Variants in TENM3 observed in about 807,000 individuals in gnomAD.
TENM3 encodes teneurin-3.
Under a neutral mutation model 255.1 loss-of-function variants are expected in TENM3, and 63 were observed. The observed-to-expected ratio is 0.25, with a 90% CI of 0.20 to 0.30. The LOEUF (loss-of-function observed/expected upper bound fraction) is 0.30, where lower values mean the gene tolerates loss of function less well. Among genes scored for constraint, TENM3 ranks in the 10% least tolerant of loss-of-function variants. The pLI is 1.00. For missense variants in TENM3, 2,929 were observed against 3,461.1 expected (o/e 0.85, Z 3.86); for synonymous variants, 1,306 against 1,322.3 (o/e 0.99, Z 0.27).
the TENM3 span, among the ~76,000 whole-genome samples, chr4:181,521,118 A>G: frequency 6.6e-6 from 1 of 152,208 alleles, no homozygotes; most frequent in Admixed American, 6.5e-5. Context: ...GATTAAATCA[A>G]AAGGCTTAAT....
intron 3 of TENM3, among the ~76,000 whole-genome samples, chr4:182,535,937 T>G (rs1056671527): frequency 6.6e-6 from 1 of 152,138 alleles, no homozygotes; most frequent in African/African-American, 2.4e-5. Flanking sequence ...TACAAGTATT[T>G]GTTATTATTA....
chr4:181,758,070 C>T, the TENM3 span, among the ~76,000 whole-genome samples: 1 of 152,140 alleles, frequency 6.6e-6, no homozygotes, highest in East Asian at 1.9e-4. Flanking sequence ...GTGTGGGGAA[C>T]AATGACAAAC....
chr4:181,526,822 T>C, the TENM3 span, among the ~76,000 whole-genome samples: 1 of 152,254 alleles, frequency 6.6e-6, no homozygotes, highest in Admixed American at 6.5e-5. Flanking sequence ...CCAGAATGTG[T>C]CTGTCTCCCT....
At chr4:181,853,871 G>C in the TENM3 span, among the ~76,000 whole-genome samples, 4 of 152,194 alleles carry the variant, frequency 2.6e-5, no homozygotes, top group African/African-American at 9.7e-5. Flanking sequence ...CTTGATAAGG[G>C]AGATTTAATT....
chr4:182,107,857 C>T, the TENM3 span, among the ~76,000 whole-genome samples: 1 of 152,126 alleles, frequency 6.6e-6, no homozygotes, highest in Non-Finnish European at 1.5e-5. Flanking sequence ...AATAGTTTCA[C>T]AGCCCTTGGA....
the TENM3 span, among the ~76,000 whole-genome samples, chr4:181,855,186 A>G: frequency 3.3e-5 from 5 of 152,164 alleles, no homozygotes. Context: ...TTAACATTTA[A>G]CTTGTTATTG....
chr4:182,461,399 G>A (rs1774310764), intron 3 of TENM3, among the ~76,000 whole-genome samples: 1 of 152,164 alleles, frequency 6.6e-6, no homozygotes, highest in South Asian at 2.1e-4. Flanking sequence ...GACCTACTTC[G>A]AGCATGAAGT....
At chr4:182,678,737 G>A (rs1755854568) in intron 7 of TENM3, among the ~76,000 whole-genome samples, 1 of 151,824 alleles carries the variant, frequency 6.6e-6, no homozygotes, top group African/African-American at 2.4e-5. Flanking sequence ...AACAGTAGTT[G>A]TTGCTACATG....
intron 3 of TENM3, among the ~76,000 whole-genome samples, chr4:182,448,213 G>C (rs1773089951): frequency 6.6e-6 from 1 of 152,196 alleles, no homozygotes; most frequent in African/African-American, 2.4e-5. Context: ...AGCAGCCCCC[G>C]CCACGGGCCG....
Position 182,702,982 on chromosome 4 carries a change from C to T in TENM3, c.2222-11105C>T, listed in dbSNP as rs948137491. ...CGATCTCCTGACCTCGTGATCTGCC[C>T]GCCTCAGCCTCCCAAAGTGCTGGGA... On this transcript the variant is annotated intron_variant, in intron 12 of 27. Transcript: ENST00000511685. Among the ~76,000 whole-genome samples, 4 of 152,116 alleles carry T rather than the reference C, an allele frequency of 2.6e-5. 1 individual carries two copies. Among genetic ancestry groups the T allele is most frequent in the Middle Eastern group, 6.8e-3 (2 of 294 alleles).
the TENM3 span, among the ~76,000 whole-genome samples, chr4:181,666,656 C>T: frequency 2.6e-5 from 4 of 152,122 alleles, no homozygotes; most frequent in Non-Finnish European, 5.9e-5. Context: ...ATTATTAAAA[C>T]TCAACAGTAG....
chr4:182,151,553 G>A (rs1750355908), intron 1 of TENM3, among the ~76,000 whole-genome samples: 1 of 152,026 alleles, frequency 6.6e-6, no homozygotes, highest in Non-Finnish European at 1.5e-5. Flanking sequence ...ACCAGGGGAA[G>A]CCAGCTGTAA....
chr4:181,567,408 C>A, the TENM3 span, among the ~76,000 whole-genome samples: 1 of 152,116 alleles, frequency 6.6e-6, no homozygotes, highest in Non-Finnish European at 1.5e-5. Context: ...AATGTGAAGC[C>A]TAATTAGCAC....
At chr4:182,598,902 C>T (rs1747543873) in intron 3 of TENM3, among the ~76,000 whole-genome samples, 1 of 152,186 alleles carries the variant, frequency 6.6e-6, no homozygotes, top group Non-Finnish European at 1.5e-5. Context: ...TAATATTCTG[C>T]TCTTCACATA....
the TENM3 span, among the ~76,000 whole-genome samples, chr4:181,451,615 G>A: frequency 4.6e-5 from 7 of 152,142 alleles, no homozygotes; most frequent in Non-Finnish European, 1.0e-4. Flanking sequence ...ACAAATGCAT[G>A]AGTTCCAGCT....
the TENM3 span, among the ~76,000 whole-genome samples, chr4:181,507,970 AATAG>A: frequency 1.3e-5 from 2 of 152,248 alleles, no homozygotes; most frequent in Admixed American, 1.3e-4. Context: ...TGAAGAAAGA[AATAG>A]ATCTTTCTGA....
At position 182,323,893 on chromosome 4, in the gene TENM3, C is replaced by T. The variant is rs1353988769; in HGVS notation, c.-75-53C>T. The T allele has an allele frequency of 1.3e-4, 92 of 718,476 alleles. 1 individual carries two copies. Among genetic ancestry groups the T allele is most frequent in the South Asian group, 4.8e-4 (27 of 56,078 alleles). The allele number at this position is 718,476 out of a possible 1,614,324, so 44.5% of individuals were successfully genotyped here. A position where few individuals can be genotyped will look rare whatever the true frequency, so the allele number is the denominator to read the frequency against. Reference sequence around the variant, plus strand: ...CAGATTGAGAAGGGTAGAGAGTAGCCAGTTTTTAGGTGAACGTCATGCTGA... The same window carrying T: ...CAGATTGAGAAGGGTAGAGAGTAGCTAGTTTTTAGGTGAACGTCATGCTGA... On this transcript the variant is annotated intron_variant, in intron 1 of 27. Transcript: ENST00000511685.
chr4:181,694,356 G>A, the TENM3 span, among the ~76,000 whole-genome samples: 25 of 152,090 alleles, frequency 1.6e-4, no homozygotes, highest in Non-Finnish European at 2.9e-4. Flanking sequence ...ATGTACTGCC[G>A]CACAAACCTT....
the TENM3 span, among the ~76,000 whole-genome samples, chr4:181,545,871 C>T: frequency 3.3e-5 from 5 of 151,036 alleles, no homozygotes; most frequent in Admixed American, 2.0e-4. Flanking sequence ...TGTTTTCATG[C>T]TATTTTTCAC....
Sources: allele counts gnomAD v4.1 joint callset (sites outside exome capture counted in the v4.1 genomes callset), GRCh38; gene constraint gnomAD v4.1.1; transcripts MANE v1.5; gene names NCBI Gene and HGNC (gene_info 2026-07-23, HGNC 2026-07-21).